GABRB2: variants seen among roughly 807,000 people sequenced by gnomAD.
GABRB2 encodes the protein gamma-aminobutyric acid type A receptor subunit beta2.
GABRB2 carries 16 observed loss-of-function variants against 54.7 expected under a neutral mutation model. The observed-to-expected ratio is 0.29, with a 90% CI of 0.20 to 0.44. GABRB2 has a LOEUF of 0.44. Among genes scored for constraint, GABRB2 ranks in the 20% least tolerant of loss-of-function variants. GABRB2 has a pLI of 1.00. For synonymous variants in GABRB2, 244 were observed against 233.8 expected, an observed-to-expected ratio of 1.04 and a Z score of -0.40; for missense variants, 355 against 644.0, an observed-to-expected ratio of 0.55 and a Z score of 4.86.
chr5:161,421,955 TA>T (rs2113147688), intron 4 of GABRB2, among the ~76,000 whole-genome samples: 2 of 152,230 alleles, frequency 1.3e-5, no homozygotes, highest in South Asian at 4.1e-4. Context: ...GTATTAGAAA[TA>T]AAACTTAAGC....
At chr5:161,523,846 C>G (rs921870174) in intron 3 of GABRB2, among the ~76,000 whole-genome samples, 4 of 150,848 alleles carry the variant, frequency 2.7e-5, no homozygotes, top group Non-Finnish European at 5.9e-5. Context: ...GAGAAAATTC[C>G]AAAAATCAAA....
At chr5:161,527,298 CCTGT>C in intron 3 of GABRB2, among the ~76,000 whole-genome samples, 1 of 151,500 alleles carries the variant, frequency 6.6e-6, no homozygotes, top group African/African-American at 2.4e-5. Flanking sequence ...AATCTACCTA[CCTGT>C]CTACCTATCA....
chr5:161,301,690 C>T (rs986852428), intron 9 of GABRB2, among the ~76,000 whole-genome samples: 1 of 152,188 alleles, frequency 6.6e-6, no homozygotes, highest in African/African-American at 2.4e-5. Context: ...GATAAATTGC[C>T]TTTACAAGGA....
intron 3 of GABRB2, among the ~76,000 whole-genome samples, chr5:161,504,419 G>T (rs1274476632): frequency 6.6e-6 from 1 of 152,022 alleles, no homozygotes; most frequent in Non-Finnish European, 1.5e-5. Context: ...TTGGGAAATC[G>T]CACAACATTT....
chr5:161,294,673 T>C (rs1757332504), intron 9 of GABRB2, among the ~76,000 whole-genome samples: 1 of 152,188 alleles, frequency 6.6e-6, no homozygotes, highest in Non-Finnish European at 1.5e-5. Context: ...TGTAATTATA[T>C]AATAGACTGT....
intron 4 of GABRB2, among the ~76,000 whole-genome samples, chr5:161,427,859 T>G (rs2113164762): frequency 6.6e-6 from 1 of 152,294 alleles, no homozygotes; most frequent in East Asian, 1.9e-4. Context: ...ATGCCCAGTG[T>G]TCACAGTAGT....
At chr5:161,349,166 C>T (rs1754397360) in intron 5 of GABRB2, among the ~76,000 whole-genome samples, 1 of 151,902 alleles carries the variant, frequency 6.6e-6, no homozygotes, top group South Asian at 2.1e-4. Context: ...TACAAAAAGC[C>T]TTGACCAATA....
intron 8 of GABRB2, among the ~76,000 whole-genome samples, chr5:161,326,785 A>C (rs760565605): frequency 1.3e-5 from 2 of 152,156 alleles, no homozygotes; most frequent in East Asian, 1.9e-4. Context: ...CAGAATAAAG[A>C]ACACCCTTAA....
At chr5:161,484,673 G>A (rs1164299491) in intron 3 of GABRB2, among the ~76,000 whole-genome samples, 6 of 151,940 alleles carry the variant, frequency 3.9e-5, no homozygotes, top group Admixed American at 1.3e-4. Context: ...CTTACTTTGC[G>A]TTATGTAAAC....
chr5:161,486,186 A>G (rs1758916769), intron 3 of GABRB2, among the ~76,000 whole-genome samples: 1 of 151,956 alleles, frequency 6.6e-6, no homozygotes, highest in Admixed American at 6.6e-5. Context: ...TGAACTTTGA[A>G]GAATAGAAAG....
chr5:161,395,963 G>A (rs1225114674), intron 5 of GABRB2, among the ~76,000 whole-genome samples: 1 of 152,114 alleles, frequency 6.6e-6, no homozygotes, highest in Non-Finnish European at 1.5e-5. Context: ...GAAGGTCCAG[G>A]AAATAATGTC....
At chr5:161,519,036 A>G (rs907479871) in intron 3 of GABRB2, among the ~76,000 whole-genome samples, 1 of 152,220 alleles carries the variant, frequency 6.6e-6, no homozygotes, top group African/African-American at 2.4e-5. Context: ...GCTTCAGGGC[A>G]GAGTTTATGA....
chr5:161,325,573 CAAGTCCTCATAGAA>C (rs1205779189), intron 9 of GABRB2, among the ~76,000 whole-genome samples: 1 of 152,100 alleles, frequency 6.6e-6, no homozygotes, highest in Non-Finnish European at 1.5e-5. Flanking sequence ...CTTCTGGCAT[CAAGTCCTCATAGAA>C]AAGATTCACA....
chr5:161,325,481 C>T (rs1758335534), intron 9 of GABRB2, among the ~76,000 whole-genome samples: 1 of 152,134 alleles, frequency 6.6e-6, no homozygotes, highest in East Asian at 1.9e-4. Context: ...ATGGCAACAA[C>T]AATGATGTAT....
At chr5:161,331,398 T>A (rs770896571) in intron 7 of GABRB2, among the ~76,000 whole-genome samples, 1 of 152,120 alleles carries the variant, frequency 6.6e-6, no homozygotes, top group Non-Finnish European at 1.5e-5. Flanking sequence ...GTGAATTAAA[T>A]GCTATGATGG....
intron 4 of GABRB2, among the ~76,000 whole-genome samples, chr5:161,427,375 G>A (rs969153391): frequency 6.6e-6 from 1 of 152,152 alleles, no homozygotes; most frequent in African/African-American, 2.4e-5. Context: ...CGGATAGTGA[G>A]GGCTGTAAAA....
chr5:161,505,381 T>C (rs954402329), intron 3 of GABRB2, among the ~76,000 whole-genome samples: 4 of 152,086 alleles, frequency 2.6e-5, no homozygotes, highest in African/African-American at 9.7e-5. Flanking sequence ...TCCACCCGCC[T>C]CCGCCTCCCA....
intron 4 of GABRB2, among the ~76,000 whole-genome samples, chr5:161,454,584 A>G (rs1757894408): frequency 6.6e-6 from 1 of 152,348 alleles, no homozygotes; most frequent in Non-Finnish European, 1.5e-5. Flanking sequence ...TTTATTAAAT[A>G]TTAAGTGGTA....
intron 4 of GABRB2, among the ~76,000 whole-genome samples, chr5:161,443,437 G>A (rs1309156927): frequency 6.6e-6 from 1 of 152,158 alleles, no homozygotes; most frequent in Non-Finnish European, 1.5e-5. Context: ...AAGTGGCCTA[G>A]GGATATAGCC....
Sources: gnomAD v4.1 joint callset for allele counts (sites outside exome capture counted in the v4.1 genomes callset) on GRCh38, gnomAD v4.1.1 for gene constraint, MANE v1.5 for transcripts, NCBI Gene and HGNC (gene_info 2026-07-23, HGNC 2026-07-21) for gene names.